SPATA1: variants seen among roughly 807,000 people sequenced by gnomAD.
SPATA1 encodes the protein spermatogenesis-associated protein 1.
Under a neutral mutation model 59.6 loss-of-function variants are expected in SPATA1, and 57 were observed. The observed-to-expected ratio is 0.96, with a 90% CI of 0.77 to 1.19. SPATA1 has a LOEUF of 1.19. Ranked by LOEUF, SPATA1 falls within the 50% of genes most tolerant of loss-of-function variation. The probability of loss-of-function intolerance (pLI) is 0.00; values close to 1 mark genes in which losing one functional copy is unlikely to be tolerated. For synonymous variants in SPATA1, 147 were observed against 163.9 expected, an observed-to-expected ratio of 0.90 and a Z score of 0.79; for missense variants, 448 against 480.7, an observed-to-expected ratio of 0.93 and a Z score of 0.64.
At chr1:84,549,093 C>T in intron 11 of SPATA1, 129 bp downstream of exon 11, 1 of 908,854 alleles carries the variant, frequency 1.1e-6, no homozygotes. Flanking sequence ...AATAAAAAAA[C>T]TCATGACCTT....
exon 5 of SPATA1, chr1:84,525,712 A>G (rs1355127576): frequency 6.3e-6 from 10 of 1,592,592 alleles, no homozygotes; most frequent in South Asian, 5.8e-5. Flanking sequence ...GAAAAGCAAG[A>G]ATCAGAACTG....
chr1:84,526,572 T>G (rs973603756), intron 6 of SPATA1, among the ~76,000 whole-genome samples: 1 of 152,092 alleles, frequency 6.6e-6, no homozygotes, highest in Non-Finnish European at 1.5e-5. Flanking sequence ...AACTCAATTC[T>G]TCAAAAGTGA....
At chr1:84,517,008 C>A (rs1361034999) in intron 2 of SPATA1, among the ~76,000 whole-genome samples, 1 of 152,074 alleles carries the variant, frequency 6.6e-6, no homozygotes, top group African/African-American at 2.4e-5. Context: ...TCTCTATTTT[C>A]TCTTAAACCA....
intron 1 of SPATA1, among the ~76,000 whole-genome samples, chr1:84,513,348 T>C (rs1259588739): frequency 6.6e-6 from 1 of 152,248 alleles, no homozygotes; most frequent in Non-Finnish European, 1.5e-5. Context: ...TTGGTCAGGC[T>C]GGTCTCAAAC....
At chr1:84,558,062 A>G (rs531112839), downstream of SPATA1, among the ~76,000 whole-genome samples, 35 of 152,276 alleles carry the variant, frequency 2.3e-4, no homozygotes, top group Non-Finnish European at 3.7e-4. Context: ...TTCAATTAGG[A>G]ACAATAAATA....
At chr1:84,550,719 T>G in intron 12 of SPATA1, 189 bp downstream of exon 12, 1 of 1,168,754 alleles carries the variant, frequency 8.6e-7, no homozygotes, top group Non-Finnish European at 1.1e-6. Context: ...TGTGAAAAGA[T>G]ACATGATATA....
exon 13 of SPATA1, chr1:84,553,096 A>T: frequency 6.6e-7 from 1 of 1,524,526 alleles, no homozygotes; most frequent in South Asian, 1.3e-5. Flanking sequence ...CAGAAAAAAA[A>T]AATAATACAT....
At chr1:84,541,706 C>A (rs74095444) in intron 8 of SPATA1, among the ~76,000 whole-genome samples, 1,943 of 152,030 alleles carry the variant, frequency 0.013, 33 homozygotes, top group African/African-American at 0.044. Context: ...TGCTTCATGG[C>A]GTGTTTGTTT....
At chr1:84,548,757 T>C in intron 10 of SPATA1, 29 bp from the exon 11 acceptor site, 54 of 684,226 alleles carry the variant, frequency 7.9e-5, no homozygotes, top group Non-Finnish European at 9.6e-5. Flanking sequence ...TTCCTTTTTT[T>C]TTTTTTTTTT....
At chr1:84,515,183 TA>T (rs143315324) in intron 1 of SPATA1, among the ~76,000 whole-genome samples, 8,907 of 152,168 alleles carry the variant, frequency 0.059, 405 homozygotes, top group African/African-American at 0.12. Flanking sequence ...TAGAGGCTAA[TA>T]TTAATACAAT....
chr1:84,556,872 G>C (rs1684446940), downstream of SPATA1, among the ~76,000 whole-genome samples: 1 of 152,108 alleles, frequency 6.6e-6, no homozygotes, highest in African/African-American at 2.4e-5. Context: ...ACAAAGCCAT[G>C]CATGCCCTAG....
chr1:84,561,857 T>C (rs1684602546), intron 4 of SPATA1, among the ~76,000 whole-genome samples: 1 of 152,238 alleles, frequency 6.6e-6, no homozygotes, highest in Non-Finnish European at 1.5e-5. Flanking sequence ...ATAATGCTAT[T>C]ACACACTTAA....
intron 8 of SPATA1, among the ~76,000 whole-genome samples, chr1:84,538,130 C>T (rs1683774098): frequency 6.6e-6 from 1 of 152,174 alleles, no homozygotes; most frequent in Non-Finnish European, 1.5e-5. Flanking sequence ...ACATTCAACT[C>T]ACCTAGTTGG....
At chr1:84,514,145 C>G (rs915575515) in intron 1 of SPATA1, among the ~76,000 whole-genome samples, 16 of 151,970 alleles carry the variant, frequency 1.1e-4, no homozygotes, top group Non-Finnish European at 1.6e-4. Context: ...ACGCCCGGCT[C>G]TCTTTTCTAT....
At chr1:84,519,894 CTT>C (rs1469989780) in intron 2 of SPATA1, among the ~76,000 whole-genome samples, 3 of 152,068 alleles carry the variant, frequency 2.0e-5, no homozygotes, top group African/African-American at 7.2e-5. Context: ...GAGTATCAAA[CTT>C]AATTTGACTA....
chr1:84,525,154 A>G (rs1020930733), intron 4 of SPATA1, among the ~76,000 whole-genome samples: 1 of 152,116 alleles, frequency 6.6e-6, no homozygotes, highest in African/African-American at 2.4e-5. Context: ...TTTAGTAGAG[A>G]TGGGGTTTCA....
intron 3 of SPATA1, 112 bp from the exon 4 acceptor site, chr1:84,522,278 G>A: frequency 1.9e-6 from 1 of 516,810 alleles, no homozygotes; most frequent in African/African-American, 2.0e-5. Context: ...AGCTATATCT[G>A]ACACATTAAA....
intron 2 of SPATA1, among the ~76,000 whole-genome samples, chr1:84,519,290 T>C (rs897438666): frequency 6.6e-6 from 1 of 152,066 alleles, no homozygotes; most frequent in African/African-American, 2.4e-5. Flanking sequence ...ATGAGTAGCT[T>C]CCATTAAAGT....
rs761848985 is a variant in SPATA1, at chr1:84,566,049, T to C, written n.631T>C. 3 of 1,356,470 alleles carry C rather than the reference T, an allele frequency of 2.2e-6. No homozygotes were observed. The East Asian group carries it at 8.0e-5, about 36-fold the overall frequency. The allele number at this position is 1,356,470 out of a possible 1,614,324, so 84.0% of individuals were successfully genotyped here. On this transcript the variant is annotated non_coding_transcript_exon_variant, in exon 5 of 5. Coordinates refer to the SPATA1 transcript ENST00000460286. ...AATCTTACTATTTTATGTAATATGATCACGTGTGCATATTACGTCAGATTT... is the reference window on the plus strand; with the variant it reads ...AATCTTACTATTTTATGTAATATGACCACGTGTGCATATTACGTCAGATTT...
Sources: allele counts gnomAD v4.1 joint callset (sites outside exome capture counted in the v4.1 genomes callset), GRCh38; gene constraint gnomAD v4.1.1; transcripts MANE v1.5; gene names NCBI Gene and HGNC (gene_info 2026-07-23, HGNC 2026-07-21).